Variants in ANKRD44 observed in about 807,000 individuals in gnomAD.
ANKRD44 encodes ankyrin repeat domain 44, also known as serine/threonine-protein phosphatase 6 regulatory ankyrin repeat subunit B.
A neutral mutation model predicts 116.0 loss-of-function variants in ANKRD44; 35 were observed. That is an observed-to-expected ratio of 0.30 (90% CI 0.23 to 0.40). The LOEUF is 0.40. Among genes scored for constraint, ANKRD44 ranks in the 10% least tolerant of loss-of-function variants. ANKRD44 has a pLI of 1.00. For synonymous variants in ANKRD44, 435 were observed against 461.8 expected (o/e 0.94, Z 0.74); for missense variants, 1,014 against 1,242.6 (o/e 0.82, Z 2.77).
intron 2 of ANKRD44, among the ~76,000 whole-genome samples, chr2:197,149,256 A>G (rs1280546516): frequency 6.6e-6 from 1 of 152,220 alleles, no homozygotes; most frequent in Non-Finnish European, 1.5e-5. Context: ...TTATGACTTC[A>G]TTTGACCTGA....
At chr2:197,226,238 G>A (rs551593945) in intron 1 of ANKRD44, among the ~76,000 whole-genome samples, 197 of 152,284 alleles carry the variant, frequency 1.3e-3, no homozygotes, top group African/African-American at 4.4e-3. Flanking sequence ...TCCTACTCAG[G>A]CTGCATAATC....
chr2:197,298,902 G>C (rs545329605), intron 1 of ANKRD44, among the ~76,000 whole-genome samples: 9 of 150,298 alleles, frequency 6.0e-5, no homozygotes, highest in African/African-American at 2.3e-4. Context: ...GGGTGACAGA[G>C]TGAGATCCTG....
At chr2:197,257,372 GTTT>G (rs35378746) in intron 1 of ANKRD44, among the ~76,000 whole-genome samples, 3 of 146,852 alleles carry the variant, frequency 2.0e-5, no homozygotes, top group African/African-American at 5.0e-5. Flanking sequence ...AAACACAGAA[GTTT>G]TTTTTTTTTT....
chr2:197,096,154 C>T (rs185022950), intron 10 of ANKRD44, among the ~76,000 whole-genome samples: 21 of 152,274 alleles, frequency 1.4e-4, no homozygotes, highest in African/African-American at 3.9e-4. Flanking sequence ...ACCCAGCAAT[C>T]GCTCTGGCAT....
At chr2:197,249,790 C>T (rs1053923069) in intron 1 of ANKRD44, among the ~76,000 whole-genome samples, 1 of 152,066 alleles carries the variant, frequency 6.6e-6, no homozygotes, top group Admixed American at 6.5e-5. Context: ...CTTTCATTAT[C>T]AAAGTAGTTT....
chr2:197,149,194 A>G (rs758447992), intron 2 of ANKRD44, among the ~76,000 whole-genome samples: 3 of 152,182 alleles, frequency 2.0e-5, no homozygotes, highest in Non-Finnish European at 4.4e-5. Context: ...GGTTTGGTTC[A>G]ACAAATTAAA....
intron 1 of ANKRD44, among the ~76,000 whole-genome samples, chr2:197,290,703 A>G (rs1408468483): frequency 6.6e-6 from 1 of 152,242 alleles, no homozygotes; most frequent in Non-Finnish European, 1.5e-5. Context: ...GTTAATAATC[A>G]TTGGAAACTC....
intron 1 of ANKRD44, among the ~76,000 whole-genome samples, chr2:197,303,596 A>G (rs73988427): frequency 0.039 from 5,865 of 152,210 alleles, 363 homozygotes; most frequent in African/African-American, 0.13. Context: ...TTCTTAGGGG[A>G]AAATGGTCTT....
Position 197,039,729 on chromosome 2 carries a change from G to C in ANKRD44, c.1651-14462C>G, listed in dbSNP as rs142359588. 2.1e-3 allele frequency among the ~76,000 whole-genome samples: 316 copies of C among 150,838 alleles called. 1 individual carries two copies. Among genetic ancestry groups the C allele is most frequent in the African/African-American group, 7.3e-3 (299 of 40,930 alleles). Reference sequence around the variant, plus strand: ...TGTGTGTGTGTGTGTGTGTGTGAAGGGGCAGGGGAGAGGAGGACAAAAATG... The same window carrying C: ...TGTGTGTGTGTGTGTGTGTGTGAAGCGGCAGGGGAGAGGAGGACAAAAATG... On this transcript the variant is annotated intron_variant, in intron 16 of 27. Coordinates refer to ENST00000282272, the MANE Select transcript of ANKRD44 (RefSeq NM_001195144.2).
intron 1 of ANKRD44, among the ~76,000 whole-genome samples, chr2:197,215,876 A>G (rs1185244764): frequency 6.6e-6 from 1 of 152,196 alleles, no homozygotes; most frequent in African/African-American, 2.4e-5. Flanking sequence ...AAAGCTTTAC[A>G]CTTTTGTGCC....
intron 2 of ANKRD44, among the ~76,000 whole-genome samples, chr2:197,184,913 CT>C: frequency 6.6e-6 from 1 of 152,306 alleles, no homozygotes; most frequent in South Asian, 2.1e-4. Flanking sequence ...TTAGGCTCCC[CT>C]AACCTTTACC....
chr2:197,085,218 A>C (rs909382843), intron 13 of ANKRD44, among the ~76,000 whole-genome samples: 1 of 152,182 alleles, frequency 6.6e-6, no homozygotes. Context: ...AAGAAATTTT[A>C]AATACTTTAC....
intron 1 of ANKRD44, among the ~76,000 whole-genome samples, chr2:197,254,749 C>T (rs2105687839): frequency 6.9e-6 from 1 of 143,938 alleles, no homozygotes; most frequent in Non-Finnish European, 1.5e-5. Flanking sequence ...GACACACATA[C>T]ATACACACAC....
intron 1 of ANKRD44, among the ~76,000 whole-genome samples, chr2:197,278,794 C>T (rs1356951851): frequency 6.6e-6 from 1 of 152,204 alleles, no homozygotes; most frequent in South Asian, 2.1e-4. Flanking sequence ...ACACGTAGGT[C>T]GCCAGCAAGC....
At chr2:197,173,605 C>G (rs2080292588) in intron 2 of ANKRD44, among the ~76,000 whole-genome samples, 1 of 151,926 alleles carries the variant, frequency 6.6e-6, no homozygotes, top group Non-Finnish European at 1.5e-5. Flanking sequence ...TATGGGAGAC[C>G]TATATATTGA....
chr2:197,158,080 A>T (rs2079865891), intron 2 of ANKRD44, among the ~76,000 whole-genome samples: 1 of 152,190 alleles, frequency 6.6e-6, no homozygotes, highest in Non-Finnish European at 1.5e-5. Flanking sequence ...ACAGAATGAA[A>T]AACTGGCCAA....
chr2:197,219,458 T>C (rs965188668), intron 1 of ANKRD44, among the ~76,000 whole-genome samples: 10 of 152,192 alleles, frequency 6.6e-5, no homozygotes, highest in African/African-American at 9.7e-5. Context: ...TATTGACCAC[T>C]TCCAGAACAT....
chr2:197,237,250 A>G (rs2081998458), intron 1 of ANKRD44, among the ~76,000 whole-genome samples: 1 of 152,252 alleles, frequency 6.6e-6, no homozygotes, highest in South Asian at 2.1e-4. Flanking sequence ...AATACTATAT[A>G]TGTTCAAAAC....
downstream of ANKRD44, among the ~76,000 whole-genome samples, chr2:196,982,337 G>C (rs971564205): frequency 6.6e-6 from 1 of 151,990 alleles, no homozygotes; most frequent in Non-Finnish European, 1.5e-5. Flanking sequence ...GTGGGCGCTG[G>C]TGAGCTCTGA....
Sources: gnomAD v4.1 joint callset for allele counts (sites outside exome capture counted in the v4.1 genomes callset) on GRCh38, gnomAD v4.1.1 for gene constraint, MANE v1.5 for transcripts, NCBI Gene and HGNC (gene_info 2026-07-23, HGNC 2026-07-21) for gene names.